STIM1: variants seen among roughly 807,000 people sequenced by gnomAD.
STIM1 encodes stromal interaction molecule 1.
A neutral mutation model predicts 74.7 loss-of-function variants in STIM1; 25 were observed. The ratio of observed to expected loss-of-function variants is 0.33; its 90% CI spans 0.24 to 0.47. The LOEUF (loss-of-function observed/expected upper bound fraction) is 0.47, where lower values mean the gene tolerates loss of function less well. Among genes scored for constraint, STIM1 ranks in the 20% least tolerant of loss-of-function variants. The pLI, the probability that STIM1 is intolerant of heterozygous loss-of-function variation, is 1.00. For synonymous variants in STIM1, 328 were observed against 348.8 expected, an observed-to-expected ratio of 0.94 and a Z score of 0.66; for missense variants, 728 against 920.8, an observed-to-expected ratio of 0.79 and a Z score of 2.71.
At chr11:3,917,111 T>G (rs969701573) in intron 1 of STIM1, among the ~76,000 whole-genome samples, 1 of 152,160 alleles carries the variant, frequency 6.6e-6, no homozygotes, top group Admixed American at 6.5e-5. Context: ...CACACCCTTA[T>G]GTACGCGTAG....
intron 1 of STIM1, among the ~76,000 whole-genome samples, chr11:3,919,274 C>G (rs180768237): frequency 6.6e-6 from 1 of 152,164 alleles, no homozygotes; most frequent in African/African-American, 2.4e-5. Context: ...GGTGCGATCT[C>G]GGCTTACTGC....
intron 1 of STIM1, among the ~76,000 whole-genome samples, chr11:3,882,997 A>G (rs2091572488): frequency 6.7e-6 from 1 of 149,150 alleles, no homozygotes; most frequent in African/African-American, 2.4e-5. Context: ...TTCTTTGTCT[A>G]TTTTTTAAAA....
chr11:3,977,651 A>T (rs1054585208), intron 2 of STIM1, among the ~76,000 whole-genome samples: 4 of 152,232 alleles, frequency 2.6e-5, no homozygotes, highest in Admixed American at 6.5e-5. Flanking sequence ...TTACGTTATC[A>T]TCAGAAAGAA....
intron 2 of STIM1, among the ~76,000 whole-genome samples, chr11:4,003,790 G>T (rs2093747127): frequency 6.6e-6 from 1 of 152,160 alleles, no homozygotes; most frequent in South Asian, 2.1e-4. Context: ...AAAAGAGGAA[G>T]CCAAATTGTC....
chr11:3,903,048 C>T (rs2092389422), intron 1 of STIM1, among the ~76,000 whole-genome samples: 1 of 152,112 alleles, frequency 6.6e-6, no homozygotes, highest in Non-Finnish European at 1.5e-5. Flanking sequence ...ATTTTTAATG[C>T]TAAGCTTATT....
At chr11:3,892,710 A>C (rs543296140) in intron 1 of STIM1, 3 of 1,612,944 alleles carry the variant, frequency 1.9e-6, no homozygotes, top group Non-Finnish European at 2.5e-6. Flanking sequence ...TGACACATAA[A>C]CCCTGGAATA....
Position 3,855,759 on chromosome 11 carries a change from C to T in STIM1, c.-512C>T, listed in dbSNP as rs200362548. On this transcript the variant is annotated 5_prime_UTR_variant, in exon 1 of 13. Transcript: ENST00000526596. Reference sequence around the variant, plus strand: ...CGGGACTGGGCGGGGGCGCTGACCTCGGCCTAGGAGGCCCAGGATCCCGGA... The same window carrying T: ...CGGGACTGGGCGGGGGCGCTGACCTTGGCCTAGGAGGCCCAGGATCCCGGA... 2.2e-4 allele frequency: 36 copies of T among 162,884 alleles called. No homozygotes were observed. Among genetic ancestry groups the T allele is most frequent in the Admixed American group, 4.7e-4 (8 of 16,864 alleles). The allele number at this position is 162,884 out of a possible 1,614,324, so 10.1% of individuals were successfully genotyped here. A position where few individuals can be genotyped will look rare whatever the true frequency, so the allele number is the denominator to read the frequency against.
intron 1 of STIM1, among the ~76,000 whole-genome samples, chr11:3,898,291 T>A (rs986966260): frequency 5.6e-5 from 8 of 143,952 alleles, no homozygotes; most frequent in African/African-American, 2.1e-4. Context: ...TTCATGTGTC[T>A]TTTGGCTGCA....
At chr11:4,031,009 G>A (rs981807845) in intron 3 of STIM1, among the ~76,000 whole-genome samples, 5 of 152,128 alleles carry the variant, frequency 3.3e-5, no homozygotes, top group Non-Finnish European at 5.9e-5. Flanking sequence ...CATTAAAGAT[G>A]GTGAATATAT....
chr11:3,863,244 G>A (rs1472576516), intron 1 of STIM1, among the ~76,000 whole-genome samples: 1 of 65,356 alleles, frequency 1.5e-5, no homozygotes, highest in Non-Finnish European at 2.7e-5. Flanking sequence ...GTGTGTGTGT[G>A]TGTGTGTGTG....
chr11:3,910,948 C>T (rs755603580), intron 1 of STIM1, among the ~76,000 whole-genome samples: 3 of 151,986 alleles, frequency 2.0e-5, no homozygotes, highest in Non-Finnish European at 2.9e-5. Flanking sequence ...ATCGCACCAC[C>T]GCACTCCAGC....
intron 1 of STIM1, among the ~76,000 whole-genome samples, chr11:3,915,064 T>G (rs533074524): frequency 6.6e-6 from 1 of 152,156 alleles, no homozygotes; most frequent in African/African-American, 2.4e-5. Context: ...TATGTCTTCT[T>G]TGGAGAATGT....
intron 2 of STIM1, among the ~76,000 whole-genome samples, chr11:4,012,561 T>C (rs985246387): frequency 2.6e-5 from 4 of 152,252 alleles, no homozygotes; most frequent in Non-Finnish European, 4.4e-5. Context: ...TTGTGATTTT[T>C]GCACATTGCT....
intron 1 of STIM1, among the ~76,000 whole-genome samples, chr11:3,861,882 C>A (rs909140156): frequency 1.3e-5 from 2 of 152,014 alleles, no homozygotes; most frequent in South Asian, 4.1e-4. Flanking sequence ...TAGGTCTCTA[C>A]AGGACTTGAG....
rs1328477491 is a variant in STIM1, at chr11:4,023,998, G to T, written c.385+11G>T. On this transcript the variant is annotated intron_variant, in intron 3 of 12. Coordinates refer to ENST00000526596, the MANE Select transcript of STIM1 (RefSeq NM_001382567.1). ...GGAAGTCATCAGAAGGTAATAGGCA[G>T]CCTGGTCATCAATCCTAGTTGTGGG... 5.0e-6 allele frequency: 8 copies of T among 1,607,476 alleles called. No individual in the cohort carries two copies. In the Admixed American group the frequency reaches 1.3e-4, roughly 27 times the overall value.
intron 1 of STIM1, among the ~76,000 whole-genome samples, chr11:3,857,615 C>G (rs1390795246): frequency 6.6e-6 from 1 of 151,742 alleles, no homozygotes; most frequent in Non-Finnish European, 1.5e-5. Flanking sequence ...TGGCTGTGAT[C>G]TGCCCAAAGC....
At position 4,074,504 on chromosome 11, in the gene STIM1, T is replaced by G; in HGVS notation, c.794T>G (p.Leu265Arg). ...EQSLHDLQERLHKAQEEHRTV... is the reference protein window; with the variant it reads ...EQSLHDLQERRHKAQEEHRTV... ...AGCTCCCTGCATTGCCCCCCCAGGC[T>G]GCACAAGGCCCAGGAGGAGCACCGC... The change falls in exon 7 of 13, where the codon CTG becomes CGG. Residue 265 changes from leucine to arginine, a missense_variant and splice_region_variant. By Grantham distance (102) the Leu-to-Arg change is moderately radical. Around this residue, in one of 5 missense-constraint regions of STIM1, gnomAD observed 131 missense variants for 235.9 expected, o/e 0.56. Coordinates refer to ENST00000526596, the MANE Select transcript of STIM1 (RefSeq NM_001382567.1). The G allele has an allele frequency of 6.2e-7, 1 of 1,613,578 alleles. No homozygotes were observed.
rs2093978703 is a variant in STIM1 at position 4,023,963 on chromosome 11, T to C, written c.361T>C (p.Trp121Arg). 6.2e-7 allele frequency: 1 copy of C among 1,613,910 alleles called. No individual in the cohort carries two copies. The highest frequency in any genetic ancestry group is 1.7e-5 in the Admixed American group (1 of 59,992). Reference sequence around the variant, plus strand: ...TAAGCTCATCAGCGTGGAGGACCTGTGGAAGGCATGGAAGTCATCAGAAGG... The same window carrying C: ...TAAGCTCATCAGCGTGGAGGACCTGCGGAAGGCATGGAAGTCATCAGAAGG... ...EDKLISVEDL[W>R]KAWKSSEVYN... The change falls in exon 3 of 13, where the codon TGG becomes CGG. Residue 121 changes from tryptophan to arginine, a missense_variant. Trp to Arg is a moderately radical substitution (Grantham distance 101, BLOSUM62 -3). This residue lies in a region of STIM1 where 51 missense variants were observed against 101.1 expected (regional missense o/e 0.50). Coordinates refer to ENST00000526596, the MANE Select transcript of STIM1 (RefSeq NM_001382567.1).
chr11:4,011,568 G>A (rs966235549), intron 2 of STIM1, among the ~76,000 whole-genome samples: 1 of 151,948 alleles, frequency 6.6e-6, no homozygotes, highest in Non-Finnish European at 1.5e-5. Context: ...TTTTTGATTG[G>A]GTTGTTTGTT....
Sources: allele counts gnomAD v4.1 joint callset (sites outside exome capture counted in the v4.1 genomes callset), GRCh38; gene constraint gnomAD v4.1.1; regional missense constraint gnomAD v4.1.1; transcripts MANE v1.5; gene names NCBI Gene and HGNC (gene_info 2026-07-23, HGNC 2026-07-21).